The following CFAP46 variants were observed in gnomAD, a reference collection of about 807,000 sequenced individuals.
CFAP46 encodes cilia and flagella associated protein 46, also known as cilia- and flagella-associated protein 46.
Under a neutral mutation model 325.7 loss-of-function variants are expected in CFAP46, and 245 were observed. The observed-to-expected ratio is 0.75, with a 90% CI of 0.68 to 0.84. The LOEUF is 0.84. CFAP46 is among the 40% of genes least tolerant of loss of function. The pLI is 0.00. For missense variants in CFAP46, 3,346 were observed against 3,543.0 expected (o/e 0.94, Z 1.41); for synonymous variants, 1,523 against 1,495.9 (o/e 1.02, Z -0.42).
chr10:132,921,063 C>T (rs1849715489), intron 13 of CFAP46, among the ~76,000 whole-genome samples: 1 of 152,260 alleles, frequency 6.6e-6, no homozygotes, highest in South Asian at 2.1e-4. Context: ...GAGTCGCCAA[C>T]CTTCCCTTGC....
intron 10 of CFAP46, 70 bp from the exon 11 acceptor site, chr10:132,924,956 G>T: frequency 5.5e-6 from 7 of 1,269,688 alleles, no homozygotes; most frequent in Non-Finnish European, 7.2e-6. Context: ...CGGCACCTGC[G>T]TGCAGGGCAC....
At chr10:132,868,907 ACTC>A (rs1413486114) in intron 33 of CFAP46, among the ~76,000 whole-genome samples, 5 of 152,164 alleles carry the variant, frequency 3.3e-5, no homozygotes, top group Non-Finnish European at 7.3e-5. Flanking sequence ...TCTGAAGTGA[ACTC>A]CTGCCTGAAG....
rs201307517 is a variant in CFAP46 at position 132,822,883 on chromosome 10, TGC to T, written c.7118-7971_7118-7970del. On this transcript the variant is annotated intron_variant, in intron 50 of 57. Coordinates refer to ENST00000368586, the MANE Select transcript of CFAP46 (RefSeq NM_001200049.3). ...TGTGTGCGGTGATGTGTGCTGTGTG[TGC>T]GCTGATGTGTGCTGATGTGTGCTGT... Among the ~76,000 whole-genome samples, 74 of 138,482 alleles carry T rather than the reference TGC, an allele frequency of 5.3e-4. 1 individual carries two copies. Among genetic ancestry groups the T allele is most frequent in the Admixed American group, 9.5e-4 (13 of 13,700 alleles). The allele number at this position is 138,482 out of a possible 152,430, so 90.8% of individuals were successfully genotyped here. A position where few individuals can be genotyped will look rare whatever the true frequency, so the allele number is the denominator to read the frequency against.
chr10:132,920,361 T>C (rs1849704644), intron 13 of CFAP46, among the ~76,000 whole-genome samples, 179 bp from the exon 14 acceptor site: 1 of 152,164 alleles, frequency 6.6e-6, no homozygotes, highest in Admixed American at 6.5e-5. Flanking sequence ...AGAGTGGCAT[T>C]GCCTGTGTCT....
chr10:132,847,259 T>C lies in CFAP46; in HGVS notation c.6015A>G (p.Thr2005=). The change falls in exon 42 of 58, where the codon ACA becomes ACG. Residue 2005 remains threonine, a synonymous_variant. Transcript: ENST00000368586. This position sits in a 1 kb window ranked among gnomAD's most constrained non-coding sequence, Gnocchi z 5.2. ...AGGCCGGCGGGTCCCTGCTGGACTT[T>C]GTGGCACCCTCTTCCTCTACCTCCA... is the stretch of plus-strand genomic sequence containing the variant. The part of the protein sequence containing the change: ...LELEVEEEGA[T]KSSRDPPASR... 1.2e-6 allele frequency: 2 copies of C among 1,613,440 alleles called. No homozygotes were observed. The highest frequency in any genetic ancestry group is 1.7e-6 in the Non-Finnish European group (2 of 1,179,940).
At chr10:132,936,893 G>A (rs1850016416) in intron 7 of CFAP46, 68 bp downstream of exon 7, 4 of 938,530 alleles carry the variant, frequency 4.3e-6, no homozygotes, top group Non-Finnish European at 6.2e-6. Flanking sequence ...CCCATGGAGG[G>A]GACAGAGCTC....
chr10:132,941,988 C>T lies in CFAP46; in HGVS notation c.166G>A (p.Ala56Thr). 6.4e-7 allele frequency: 1 copy of T among 1,551,848 alleles called. No individual in the cohort carries two copies. Among genetic ancestry groups the T allele is most frequent in the Non-Finnish European group, 8.7e-7 (1 of 1,147,038 alleles). The part of the protein sequence containing the change: ...PDLFVLCAEQ[A>T]LKMRQPEVSE... ...TCCCGGGAACTAGTTACCTTCAGGGCCTGCTCTGCACACAGAACAAACAGG... is the reference window on the plus strand; with the variant it reads ...TCCCGGGAACTAGTTACCTTCAGGGTCTGCTCTGCACACAGAACAAACAGG... Residue 56 changes from alanine to threonine, a missense_variant, in exon 2 of 58, where the codon GCC (alanine) becomes ACC (threonine). Ala to Thr is a moderately conservative substitution (Grantham distance 58, BLOSUM62 0). Transcript: ENST00000368586.
chr10:132,866,268 C>T (rs1485573067), intron 34 of CFAP46, 97 bp from the exon 35 acceptor site: 6 of 1,279,496 alleles, frequency 4.7e-6, no homozygotes, highest in Non-Finnish European at 6.1e-6. Context: ...CTGTACCACA[C>T]AGGGAGCCAC....
chr10:132,930,446 T>TC (rs1310024235), intron 8 of CFAP46, among the ~76,000 whole-genome samples: 6 of 125,400 alleles, frequency 4.8e-5, no homozygotes, highest in Non-Finnish European at 8.1e-5. Flanking sequence ...GCCTGGGACT[T>TC]CCCCACACTC....
At chr10:132,858,273 G>T (rs1409146460) in intron 38 of CFAP46, among the ~76,000 whole-genome samples, 1 of 149,612 alleles carries the variant, frequency 6.7e-6, no homozygotes. Flanking sequence ...GGGAGGCTTT[G>T]CTGGGGGCGG....
chr10:132,909,284 G>T, intron 20 of CFAP46, 40 bp from the exon 21 acceptor site: 1 of 1,406,846 alleles, frequency 7.1e-7, no homozygotes, highest in Non-Finnish European at 9.8e-7. Flanking sequence ...GCCCAAGCGT[G>T]CGGGGGGAGT....
intron 24 of CFAP46, among the ~76,000 whole-genome samples, chr10:132,893,241 G>A (rs1169570587): frequency 3.3e-5 from 5 of 152,240 alleles, no homozygotes; most frequent in South Asian, 4.1e-4. Context: ...GGCAGCCACC[G>A]TACACGTGGA....
At chr10:132,824,442 G>GTGCA (rs1847986881) in intron 50 of CFAP46, among the ~76,000 whole-genome samples, 1 of 132,418 alleles carries the variant, frequency 7.6e-6, no homozygotes. Context: ...TGTGCTGTGT[G>GTGCA]CTGATGTGTG....
intron 26 of CFAP46, among the ~76,000 whole-genome samples, 178 bp downstream of exon 26, chr10:132,885,641 GCA>G (rs1849111138): frequency 7.1e-6 from 1 of 140,140 alleles, no homozygotes; most frequent in African/African-American, 2.6e-5. Context: ...GATGGGGGGA[GCA>G]CACTCCGGTG....
chr10:132,841,422 G>A (rs900068981), intron 44 of CFAP46, among the ~76,000 whole-genome samples: 2 of 152,224 alleles, frequency 1.3e-5, no homozygotes, highest in Admixed American at 6.5e-5. Context: ...GGGCCTCCCC[G>A]ATGGCTTTGC....
At position 132,884,208 on chromosome 10, in the gene CFAP46, G is replaced by A. The variant is rs1382841477; in HGVS notation, c.3627+895C>T. On this transcript the variant is annotated intron_variant, in intron 27 of 57. Coordinates refer to ENST00000368586, the MANE Select transcript of CFAP46 (RefSeq NM_001200049.3). This position sits in a 1 kb window ranked among gnomAD's most constrained non-coding sequence, Gnocchi z 5.4. Reference sequence around the variant, plus strand: ...CGAACCCTAGCAGGGCAACTGCCGAGGAACGACGTGGCCTCTGGTTCCCCG... The same window carrying A: ...CGAACCCTAGCAGGGCAACTGCCGAAGAACGACGTGGCCTCTGGTTCCCCG... 6.6e-6 allele frequency among the ~76,000 whole-genome samples: 1 copy of A among 152,174 alleles called. No individual in the cohort carries two copies. Among genetic ancestry groups the A allele is most frequent in the African/African-American group, 2.4e-5 (1 of 41,430 alleles).
Position 132,912,479 on chromosome 10 carries a change from ATC to A in CFAP46, c.2499+174_2499+175del, listed in dbSNP as rs562975361. On this transcript the variant is annotated intron_variant, in intron 19 of 57. Transcript: ENST00000368586. ...TCTCTTCACCTCTCTCTCTCTTCACATCTCTCTCTCCTCTTTCACCTCTCTCT... is the reference window on the plus strand; with the variant it reads ...TCTCTTCACCTCTCTCTCTCTTCACATCTCTCTCCTCTTTCACCTCTCTCT... Among the ~76,000 whole-genome samples, 10 of 24,178 alleles carry A rather than the reference ATC, an allele frequency of 4.1e-4. No homozygotes were observed. The South Asian group carries it at 9.1e-3, about 22-fold the overall frequency. 15.9% of individuals were successfully genotyped at this position (24,178 alleles called of 152,430 possible).
intron 44 of CFAP46, among the ~76,000 whole-genome samples, chr10:132,845,789 G>T (rs1028301146): frequency 6.6e-6 from 1 of 152,156 alleles, no homozygotes; most frequent in Non-Finnish European, 1.5e-5. Flanking sequence ...GCTCTTGGCT[G>T]CAGGCCTGGC....
intron 19 of CFAP46, among the ~76,000 whole-genome samples, chr10:132,912,321 CCT>C (rs1465454267): frequency 8.8e-6 from 1 of 113,280 alleles, no homozygotes; most frequent in Non-Finnish European, 1.8e-5. Flanking sequence ...TGTCTCTTCT[CCT>C]CTCTTCTTCT....
Sources: gnomAD v4.1 joint callset for allele counts (sites outside exome capture counted in the v4.1 genomes callset) on GRCh38, gnomAD v4.1.1 for gene constraint, Gnocchi (gnomAD v3.1) non-coding constraint, MANE v1.5 for transcripts, NCBI Gene and HGNC (gene_info 2026-07-23, HGNC 2026-07-21) for gene names.